Variants in HSD17B12 observed in about 807,000 individuals in gnomAD.
HSD17B12 encodes very-long-chain 3-oxoacyl-CoA reductase.
In HSD17B12, 32 loss-of-function variants were observed where a neutral mutation model predicts 39.3. The observed-to-expected ratio is 0.81, with a 90% confidence interval of 0.61 to 1.09. HSD17B12 has a LOEUF of 1.09. Ranked by LOEUF, HSD17B12 falls within the 50% of genes least tolerant of loss-of-function variation. The probability of loss-of-function intolerance (pLI) is 0.00; values close to 1 mark genes in which losing one functional copy is unlikely to be tolerated. For missense variants in HSD17B12, 342 were observed against 382.9 expected (o/e 0.89, Z 0.89); for synonymous variants, 150 against 146.7 (o/e 1.02, Z -0.16).
At chr11:43,588,637 T>C in the HSD17B12 span, among the ~76,000 whole-genome samples, 1,138 of 149,656 alleles carry the variant, frequency 7.6e-3, 18 homozygotes, top group African/African-American at 0.026. Flanking sequence ...ATTATTATTA[T>C]AGTGTTCTCT....
chr11:43,789,498 G>C (rs528535371), intron 3 of HSD17B12, among the ~76,000 whole-genome samples: 1 of 152,294 alleles, frequency 6.6e-6, no homozygotes, highest in Non-Finnish European at 1.5e-5. Flanking sequence ...ATTGCAACTT[G>C]CCATGCTCCT....
the HSD17B12 span, among the ~76,000 whole-genome samples, chr11:43,566,487 C>T: frequency 2.0e-5 from 3 of 151,932 alleles, no homozygotes; most frequent in South Asian, 6.2e-4. Context: ...GATTTCCCGT[C>T]ATCTCTTGGG....
the HSD17B12 span, among the ~76,000 whole-genome samples, chr11:43,621,843 GTCTT>G: frequency 2.2e-4 from 33 of 152,320 alleles, no homozygotes; most frequent in Non-Finnish European, 3.8e-4. Flanking sequence ...GATAGAAAAA[GTCTT>G]TCAGAGTTAA....
At chr11:43,708,764 A>C (rs968678614) in intron 1 of HSD17B12, among the ~76,000 whole-genome samples, 27 of 152,266 alleles carry the variant, frequency 1.8e-4, no homozygotes, top group Non-Finnish European at 3.4e-4. Flanking sequence ...TTCATAGATC[A>C]TGATATTTGG....
chr11:43,779,370 T>G (rs1157831566), intron 3 of HSD17B12, among the ~76,000 whole-genome samples: 1 of 152,206 alleles, frequency 6.6e-6, no homozygotes, highest in Non-Finnish European at 1.5e-5. Flanking sequence ...TTGCCTGAAA[T>G]CCAGGCTTAA....
At chr11:43,680,559 C>G, upstream of HSD17B12, 1 of 490,500 alleles carries the variant, frequency 2.0e-6, no homozygotes, top group South Asian at 2.2e-5. Context: ...AGGGCGCTCA[C>G]TGGCGGAACC....
intron 1 of HSD17B12, among the ~76,000 whole-genome samples, chr11:43,704,825 A>G (rs1283704379): frequency 6.6e-6 from 1 of 152,198 alleles, no homozygotes; most frequent in Non-Finnish European, 1.5e-5. Flanking sequence ...AGACAGAATA[A>G]ACTGGGGAAA....
At chr11:43,674,853 G>A in the HSD17B12 span, among the ~76,000 whole-genome samples, 1 of 152,158 alleles carries the variant, frequency 6.6e-6, no homozygotes, top group Non-Finnish European at 1.5e-5. Flanking sequence ...TCCTTAGAAA[G>A]GCGTTTCAAG....
the HSD17B12 span, among the ~76,000 whole-genome samples, chr11:43,615,363 G>A: frequency 1.2e-3 from 185 of 152,190 alleles, no homozygotes; most frequent in African/African-American, 4.2e-3. Flanking sequence ...CTCTGCTAGG[G>A]CTCACAGATT....
chr11:43,752,624 G>A (rs1941314669), intron 2 of HSD17B12, among the ~76,000 whole-genome samples: 1 of 151,966 alleles, frequency 6.6e-6, no homozygotes, highest in Non-Finnish European at 1.5e-5. Flanking sequence ...TGAGGCAGGA[G>A]AATCGCTTGA....
chr11:43,600,352 G>C, the HSD17B12 span, among the ~76,000 whole-genome samples: 3 of 150,740 alleles, frequency 2.0e-5, no homozygotes. Context: ...CATTGGTACT[G>C]TTTCATTGAA....
chr11:43,789,301 G>GT (rs1207061415), intron 3 of HSD17B12, among the ~76,000 whole-genome samples: 19 of 152,174 alleles, frequency 1.2e-4, no homozygotes, highest in Non-Finnish European at 2.6e-4. Flanking sequence ...TGTCCTCAGG[G>GT]TGAAGCCTGA....
At chr11:43,593,038 G>A in the HSD17B12 span, among the ~76,000 whole-genome samples, 6 of 152,144 alleles carry the variant, frequency 3.9e-5, no homozygotes, top group Non-Finnish European at 8.8e-5. Flanking sequence ...GCTTAGTGAT[G>A]TCATGAAAAT....
At chr11:43,854,174 T>G (rs2135152845) in intron 9 of HSD17B12, 1 of 152,428 alleles carries the variant, frequency 6.6e-6, no homozygotes, top group East Asian at 1.9e-4. Flanking sequence ...TAAAATTGTT[T>G]ATAAAACTCA....
the HSD17B12 span, among the ~76,000 whole-genome samples, chr11:43,599,385 C>G: frequency 6.6e-6 from 1 of 152,170 alleles, no homozygotes; most frequent in Non-Finnish European, 1.5e-5. Flanking sequence ...GAAGGTCACA[C>G]CCTTCTCCCC....
chr11:43,663,367 T>C, the HSD17B12 span, among the ~76,000 whole-genome samples: 1 of 152,126 alleles, frequency 6.6e-6, no homozygotes. Flanking sequence ...CCCAGAGTAT[T>C]GAGATTACTG....
chr11:43,602,553 C>T, the HSD17B12 span, among the ~76,000 whole-genome samples: 2 of 152,256 alleles, frequency 1.3e-5, no homozygotes, highest in African/African-American at 4.8e-5. Context: ...CTGCTATATC[C>T]TCACTGCCTG....
At chr11:43,562,004 C>G in the HSD17B12 span, among the ~76,000 whole-genome samples, 1 of 152,156 alleles carries the variant, frequency 6.6e-6, no homozygotes. Flanking sequence ...GTTCAAGCAA[C>G]CATGTGGATG....
chr11:43,778,771 G>C (rs1950736314), intron 3 of HSD17B12, among the ~76,000 whole-genome samples: 1 of 151,984 alleles, frequency 6.6e-6, no homozygotes, highest in Admixed American at 6.6e-5. Flanking sequence ...AAAGGCCTTT[G>C]ACAAAATTCA....
Sources: allele counts gnomAD v4.1 joint callset (sites outside exome capture counted in the v4.1 genomes callset), GRCh38; gene constraint gnomAD v4.1.1; transcripts MANE v1.5; gene names NCBI Gene and HGNC (gene_info 2026-07-23, HGNC 2026-07-21).